CALHM4: variants seen among roughly 807,000 people sequenced by gnomAD.
CALHM4 encodes the protein calcium homeostasis modulator protein 4.
Under a neutral mutation model 13.3 loss-of-function variants are expected in CALHM4, and 16 were observed. The ratio of observed to expected loss-of-function variants is 1.20; its 90% CI spans 0.81 to 1.82. The LOEUF (loss-of-function observed/expected upper bound fraction) is 1.82, where lower values mean the gene tolerates loss of function less well. Among genes scored for constraint, CALHM4 ranks in the 40% most tolerant of loss-of-function variants. The pLI, the probability that CALHM4 is intolerant of heterozygous loss-of-function variation, is 0.00. For missense variants in CALHM4, 344 were observed against 374.9 expected, an observed-to-expected ratio of 0.92 and a Z score of 0.68; for synonymous variants, 127 against 137.1, an observed-to-expected ratio of 0.93 and a Z score of 0.52.
intron 1 of CALHM4, among the ~76,000 whole-genome samples, chr6:116,534,160 G>C (rs1334315440): frequency 6.6e-6 from 1 of 151,848 alleles, no homozygotes; most frequent in Non-Finnish European, 1.5e-5. Flanking sequence ...AGCTAATAAT[G>C]TTTTATATTC....
rs1774476181 is a variant in CALHM4, at chr6:116,559,196, G to A, written c.*985G>A. On this transcript the variant is annotated 3_prime_UTR_variant, in exon 2 of 2. Coordinates refer to ENST00000368596, the MANE Select transcript of CALHM4 (RefSeq NM_001366078.2). ...TTTCTAATTTATCTAGATTATTTCTGTGATATATAGTGACTCGTGCCTGAT... is the reference window on the plus strand; with the variant it reads ...TTTCTAATTTATCTAGATTATTTCTATGATATATAGTGACTCGTGCCTGAT... Among the ~76,000 whole-genome samples, 1 of 152,172 alleles carries A rather than the reference G, an allele frequency of 6.6e-6. No individual in the cohort carries two copies. Among genetic ancestry groups the A allele is most frequent in the East Asian group, 1.9e-4 (1 of 5,204 alleles).
At chr6:116,535,675 T>C (rs1773029352) in intron 1 of CALHM4, among the ~76,000 whole-genome samples, 1 of 152,264 alleles carries the variant, frequency 6.6e-6, no homozygotes, top group Non-Finnish European at 1.5e-5. Context: ...AATTATCTAA[T>C]ATTTCATTAT....
At position 116,557,902 on chromosome 6, in the gene CALHM4, C is replaced by T. The variant is rs1421421676; in HGVS notation, c.636C>T (p.Pro212=). ...GCTGTGTGGCAAAGTGCTGCTCTCC[C>T]CTCACCTCTCTGCAACATTGCTACT... ...VSCCVAKCCS[P]LTSLQHCYWT... The change falls in exon 2 of 2, where the codon CCC becomes CCT. Residue 212 remains proline (P), a synonymous_variant. Transcript: ENST00000368596. 1 of 1,614,046 alleles carries T rather than the reference C, an allele frequency of 6.2e-7. No homozygotes were observed. The highest frequency in any genetic ancestry group is 1.1e-5 in the South Asian group (1 of 91,066).
intron 1 of CALHM4, among the ~76,000 whole-genome samples, chr6:116,556,282 T>C (rs959462075): frequency 2.0e-5 from 3 of 152,204 alleles, no homozygotes; most frequent in African/African-American, 7.2e-5. Context: ...CATTGTACCA[T>C]ATTTCTTGGA....
chr6:116,533,341 T>C (rs1049477540), intron 1 of CALHM4, among the ~76,000 whole-genome samples: 5 of 152,344 alleles, frequency 3.3e-5, no homozygotes, highest in Admixed American at 3.3e-4. Flanking sequence ...AAAAAGTCTT[T>C]ATTTCAGAAG....
rs905372956 is a variant in CALHM4 at position 116,540,284 on chromosome 6, A to G, written c.-108-3481A>G. 8.9e-6 allele frequency: 12 copies of G among 1,354,958 alleles called. No homozygotes were observed. In the African/African-American group the frequency reaches 1.2e-4, roughly 13 times the overall value. The allele number at this position is 1,354,958 out of a possible 1,614,324, so 83.9% of individuals were successfully genotyped here. A position where few individuals can be genotyped will look rare whatever the true frequency, so the allele number is the denominator to read the frequency against. On this transcript the variant is annotated intron_variant, in intron 1 of 2. Coordinates refer to the CALHM4 transcript ENST00000368597. ...AATGAATGCAGATGGAACCTGTCCAATCTGAACAGAAAACCACCATACTCA... is the reference window on the plus strand; with the variant it reads ...AATGAATGCAGATGGAACCTGTCCAGTCTGAACAGAAAACCACCATACTCA...
chr6:116,532,298 G>A (rs1473887360), intron 1 of CALHM4, among the ~76,000 whole-genome samples: 1 of 152,006 alleles, frequency 6.6e-6, no homozygotes, highest in Non-Finnish European at 1.5e-5. Flanking sequence ...ACGGGGTCTC[G>A]CTATATTGCC....
intron 1 of CALHM4, among the ~76,000 whole-genome samples, 159 bp from the exon 2 acceptor site, chr6:116,557,666 A>G (rs1252332714): frequency 3.3e-5 from 5 of 152,256 alleles, no homozygotes; most frequent in Non-Finnish European, 7.3e-5. Context: ...TTTCCAAATC[A>G]TATCATTAGC....
At chr6:116,556,808 C>A (rs1774335944) in intron 1 of CALHM4, among the ~76,000 whole-genome samples, 1 of 152,018 alleles carries the variant, frequency 6.6e-6, no homozygotes, top group South Asian at 2.1e-4. Context: ...GTTCATTTTC[C>A]TTTTAAAGTA....
chr6:116,540,004 C>T (rs932420267), intron 1 of CALHM4, among the ~76,000 whole-genome samples: 1 of 152,160 alleles, frequency 6.6e-6, no homozygotes, highest in African/African-American at 2.4e-5. Flanking sequence ...CTACCAAAAA[C>T]CATCTCCCTC....
At chr6:116,531,018 GT>G (rs1316837461) in intron 1 of CALHM4, among the ~76,000 whole-genome samples, 3 of 149,952 alleles carry the variant, frequency 2.0e-5, no homozygotes, top group Non-Finnish European at 4.4e-5. Context: ...ATCTTGGAAT[GT>G]TTTTCATACC....
chr6:116,540,262 G>A lies in CALHM4; in HGVS notation c.-108-3503G>A, dbSNP rs1773355115. 3 of 1,061,702 alleles carry A rather than the reference G, an allele frequency of 2.8e-6. No homozygotes were observed. The East Asian group carries it at 7.8e-5, about 28-fold the overall frequency. 65.8% of individuals were successfully genotyped at this position (1,061,702 alleles called of 1,614,324 possible). ...ATCTCCTTTCTCAGCACCTAACAAT[G>A]AATGCAGATGGAACCTGTCCAATCT... is the stretch of plus-strand genomic sequence containing the variant. On this transcript the variant is annotated intron_variant, in intron 1 of 2. Coordinates refer to the CALHM4 transcript ENST00000368597.
chr6:116,540,097 C>T (rs1044238601), intron 1 of CALHM4, among the ~76,000 whole-genome samples: 1 of 152,166 alleles, frequency 6.6e-6, no homozygotes, highest in African/African-American at 2.4e-5. Flanking sequence ...CTTCTGTTTA[C>T]CTTCTGAAAA....
intron 1 of CALHM4, 94 bp downstream of exon 1, chr6:116,554,445 C>G: frequency 9.3e-7 from 1 of 1,076,138 alleles, no homozygotes; most frequent in Non-Finnish European, 1.3e-6. Flanking sequence ...CTTATATTCT[C>G]TGATTATAGA....
At chr6:116,541,957 G>A (rs937507782) in intron 1 of CALHM4, among the ~76,000 whole-genome samples, 1 of 152,116 alleles carries the variant, frequency 6.6e-6, no homozygotes, top group African/African-American at 2.4e-5. Context: ...AGATCTTTCT[G>A]CAGCTTCTCA....
intron 1 of CALHM4, among the ~76,000 whole-genome samples, chr6:116,531,539 T>C (rs1772724539): frequency 6.6e-6 from 1 of 152,184 alleles, no homozygotes; most frequent in African/African-American, 2.4e-5. Context: ...TTTCCCATTT[T>C]GGTTCTTTCA....
chr6:116,549,964 A>G (rs1024223782), upstream of CALHM4, among the ~76,000 whole-genome samples: 31 of 142,990 alleles, frequency 2.2e-4, no homozygotes, highest in Non-Finnish European at 4.4e-4. Context: ...CGACAAGAGC[A>G]AAACTCCATC....
At chr6:116,540,809 A>G (rs930515353) in intron 1 of CALHM4, among the ~76,000 whole-genome samples, 2 of 152,178 alleles carry the variant, frequency 1.3e-5, no homozygotes, top group African/African-American at 4.8e-5. Context: ...TTAGCTATTG[A>G]TGGAAATCAA....
At chr6:116,551,260 A>T (rs1774067240), upstream of CALHM4, among the ~76,000 whole-genome samples, 1 of 152,170 alleles carries the variant, frequency 6.6e-6, no homozygotes, top group Non-Finnish European at 1.5e-5. Flanking sequence ...GCACAAGTTG[A>T]TATAACCCCA....
Sources: allele counts gnomAD v4.1 joint callset (sites outside exome capture counted in the v4.1 genomes callset), GRCh38; gene constraint gnomAD v4.1.1; transcripts MANE v1.5; gene names NCBI Gene and HGNC (gene_info 2026-07-23, HGNC 2026-07-21).